The following LRIF1 variants were observed in gnomAD, a reference collection of about 807,000 sequenced individuals.
LRIF1 encodes the protein ligand dependent nuclear receptor interacting factor 1, also known as ligand-dependent nuclear receptor-interacting factor 1.
In LRIF1, 32 loss-of-function variants were observed where a neutral mutation model predicts 52.7. The observed-to-expected ratio is 0.61, with a 90% confidence interval of 0.46 to 0.82. LRIF1 has a LOEUF of 0.82. LRIF1 is among the 40% of genes least tolerant of loss of function. The pLI is 0.00. For missense variants in LRIF1, 887 were observed against 892.0 expected (o/e 0.99, Z 0.07); for synonymous variants, 323 against 317.4 (o/e 1.02, Z -0.19).
At chr1:110,949,595 T>G (rs1242342427) in intron 3 of LRIF1, among the ~76,000 whole-genome samples, 1 of 151,844 alleles carries the variant, frequency 6.6e-6, no homozygotes, top group East Asian at 1.9e-4. Flanking sequence ...AATTTTTGTA[T>G]TTTTAGTAGA....
chr1:110,886,869 A>ATATATATATATATATTTTTT, the LRIF1 span, among the ~76,000 whole-genome samples: 2 of 82,798 alleles, frequency 2.4e-5, no homozygotes, highest in African/African-American at 1.1e-4. Flanking sequence ...ATATATATAT[A>ATATATATATATATATTTTTT]TTTTTTTTTT....
chr1:110,913,834 A>G, the LRIF1 span, among the ~76,000 whole-genome samples: 439 of 152,298 alleles, frequency 2.9e-3, 1 homozygote, highest in African/African-American at 0.01. Context: ...AAAAAGACAC[A>G]CACACTTGTA....
chr1:110,948,080 G>A lies in LRIF1; in HGVS notation c.2189C>T (p.Pro730Leu). 1 of 1,613,946 alleles carries A rather than the reference G, an allele frequency of 6.2e-7. No homozygotes were observed. The highest frequency in any genetic ancestry group is 8.5e-7 in the Non-Finnish European group (1 of 1,179,956). Residue 730 changes from proline (P) to leucine (L), a missense_variant, in exon 4 of 4, where the codon CCA becomes CTA. Pro to Leu is a moderately conservative substitution (Grantham distance 98). Coordinates refer to ENST00000369763, the MANE Select transcript of LRIF1 (RefSeq NM_018372.4). ...FNKNYTEDIF[P>L]VTPPELEETI... ...TTCTTCTAACTCCGGTGGTGTCACT[G>A]GGAAAATATCTTCGGTATAATTTTT...
chr1:110,909,322 G>A, the LRIF1 span, among the ~76,000 whole-genome samples: 5 of 152,066 alleles, frequency 3.3e-5, no homozygotes, highest in Admixed American at 1.3e-4. Context: ...ATACAATCAA[G>A]TCTACATAAC....
At chr1:110,903,087 C>T in the LRIF1 span, among the ~76,000 whole-genome samples, 1 of 152,204 alleles carries the variant, frequency 6.6e-6, no homozygotes, top group Non-Finnish European at 1.5e-5. Context: ...CAGCCCTAAC[C>T]AGAGGGAAAT....
At chr1:110,897,627 T>C in the LRIF1 span, 1 of 487,166 alleles carries the variant, frequency 2.1e-6, no homozygotes, top group Non-Finnish European at 3.7e-6. Flanking sequence ...CAGAAAAGTC[T>C]GTAGTTTAAT....
chr1:110,890,358 G>A, the LRIF1 span, among the ~76,000 whole-genome samples: 3 of 152,200 alleles, frequency 2.0e-5, no homozygotes, highest in Non-Finnish European at 4.4e-5. Context: ...CCTGAGGTCA[G>A]AAGTTTGAGG....
In LRIF1 at chr1:110,952,257, T is replaced by G. The variant is rs777855881; in HGVS notation, c.627A>C (p.Ile209=). 3 of 1,614,196 alleles carry G rather than the reference T, an allele frequency of 1.9e-6. No homozygotes were observed. The highest frequency in any genetic ancestry group is 2.5e-6 in the Non-Finnish European group (3 of 1,180,028). The change falls in exon 2 of 4, where the codon ATA becomes ATC. Residue 209 remains isoleucine (I), a synonymous_variant. Transcript: ENST00000369763. ...SSLPPSVQQK[I]LATATTSTSG... is the part of the protein sequence containing the mutation. Reference sequence around the variant, plus strand: ...AGGTACTGGTGGTGGCAGTTGCAAGTATCTTTTGCTGCACTGAAGGAGGCA... The same window carrying G: ...AGGTACTGGTGGTGGCAGTTGCAAGGATCTTTTGCTGCACTGAAGGAGGCA...
At chr1:110,914,866 G>A in the LRIF1 span, among the ~76,000 whole-genome samples, 1 of 152,148 alleles carries the variant, frequency 6.6e-6, no homozygotes, top group Non-Finnish European at 1.5e-5. Flanking sequence ...TGGTGGAAAT[G>A]TTTCATGGTA....
At chr1:110,960,954 A>G (rs1658924698) in intron 1 of LRIF1, among the ~76,000 whole-genome samples, 1 of 152,234 alleles carries the variant, frequency 6.6e-6, no homozygotes, top group Non-Finnish European at 1.5e-5. Flanking sequence ...TATTTCCAAT[A>G]GATGAAGTCT....
At chr1:110,896,583 C>T in the LRIF1 span, 1 of 1,447,718 alleles carries the variant, frequency 6.9e-7, no homozygotes, top group East Asian at 2.3e-5. Flanking sequence ...ACACCTTTTC[C>T]TCTAAGGTCC....
the LRIF1 span, among the ~76,000 whole-genome samples, chr1:110,906,436 C>A: frequency 2.0e-4 from 31 of 152,088 alleles, no homozygotes; most frequent in African/African-American, 6.5e-4. Context: ...CCCAGCTCTT[C>A]AGGAAGGTGA....
the LRIF1 span, among the ~76,000 whole-genome samples, chr1:110,930,383 G>A: frequency 5.3e-5 from 8 of 152,096 alleles, no homozygotes; most frequent in African/African-American, 9.7e-5. Context: ...TATTTCTTAC[G>A]GTTCTGAAAG....
At chr1:110,882,375 A>AT in the LRIF1 span, among the ~76,000 whole-genome samples, 5 of 151,636 alleles carry the variant, frequency 3.3e-5, no homozygotes, top group Non-Finnish European at 5.9e-5. Context: ...TTAATTTTGT[A>AT]TTTTTTTTGA....
At chr1:110,938,214 CCAGT>C in the LRIF1 span, 1 of 152,128 alleles carries the variant, frequency 6.6e-6, no homozygotes, top group Non-Finnish European at 1.5e-5. Context: ...TTCTATGAGG[CCAGT>C]ATTTCCCTGA....
chr1:110,958,161 C>G (rs1658785756), intron 1 of LRIF1, among the ~76,000 whole-genome samples: 1 of 152,228 alleles, frequency 6.6e-6, no homozygotes, highest in Admixed American at 6.5e-5. Context: ...CAACCAATCT[C>G]TACAACAATA....
chr1:110,921,416 A>G, the LRIF1 span, among the ~76,000 whole-genome samples: 2 of 152,202 alleles, frequency 1.3e-5, no homozygotes, highest in African/African-American at 2.4e-5. Context: ...TGTGAATCCA[A>G]ATATTTCAAT....
At chr1:110,881,974 T>C in the LRIF1 span, among the ~76,000 whole-genome samples, 6 of 152,232 alleles carry the variant, frequency 3.9e-5, no homozygotes, top group Admixed American at 3.9e-4. Flanking sequence ...GTTTATTTTC[T>C]TACCATTGAG....
rs1165942744 is a variant in LRIF1, at chr1:110,949,973, A to C, written c.1747T>G (p.Cys583Gly). The change falls in exon 3 of 4, where the codon TGC (cysteine) becomes GGC (glycine). Residue 583 changes from cysteine (C) to glycine (G), a missense_variant. By Grantham distance (159) the Cys-to-Gly change is radical. Transcript: ENST00000369763. Reference protein sequence around the residue: ...IFGLTKDLRVCLTRIPDHLTS... With the variant: ...IFGLTKDLRVGLTRIPDHLTS... ...AAATGGTCAGGAATTCGAGTAAGGCACACTCTCAAATCCTTAGTAAGGCCA... is the reference window on the plus strand; with the variant it reads ...AAATGGTCAGGAATTCGAGTAAGGCCCACTCTCAAATCCTTAGTAAGGCCA... 1 of 1,614,016 alleles carries C rather than the reference A, an allele frequency of 6.2e-7. No individual in the cohort carries two copies. Among genetic ancestry groups the C allele is most frequent in the African/African-American group, 1.3e-5 (1 of 74,918 alleles).
Sources: gnomAD v4.1 joint callset for allele counts (sites outside exome capture counted in the v4.1 genomes callset) on GRCh38, gnomAD v4.1.1 for gene constraint, MANE v1.5 for transcripts, NCBI Gene and HGNC (gene_info 2026-07-23, HGNC 2026-07-21) for gene names.